The following PLCB1 variants were observed in gnomAD, a reference collection of about 807,000 sequenced individuals.
PLCB1 encodes 1-phosphatidylinositol 4,5-bisphosphate phosphodiesterase beta-1.
In PLCB1, 46 loss-of-function variants were observed where a neutral mutation model predicts 161.8. The observed-to-expected ratio is 0.28, with a 90% CI of 0.22 to 0.36. The LOEUF (loss-of-function observed/expected upper bound fraction) is 0.36. PLCB1 is among the 10% of genes least tolerant of loss of function. The pLI is 1.00. For synonymous variants in PLCB1, 517 were observed against 503.7 expected (o/e 1.03, Z -0.35); for missense variants, 1,016 against 1,472.5 (o/e 0.69, Z 5.07).
intron 9 of PLCB1, among the ~76,000 whole-genome samples, chr20:8,661,135 T>C (rs955931884): frequency 1.3e-5 from 2 of 152,090 alleles, no homozygotes; most frequent in Non-Finnish European, 2.9e-5. Context: ...CAGGTGTCGT[T>C]GTCCATTTTT....
intron 4 of PLCB1, among the ~76,000 whole-genome samples, chr20:8,643,659 G>T (rs934123322): frequency 2.6e-5 from 4 of 152,156 alleles, no homozygotes; most frequent in Admixed American, 6.5e-5. Context: ...GGAGGCTGAG[G>T]CGGGTGGATC....
At chr20:8,870,101 T>G (rs141611837) in intron 31 of PLCB1, among the ~76,000 whole-genome samples, 244 of 152,262 alleles carry the variant, frequency 1.6e-3, no homozygotes, top group African/African-American at 5.5e-3. Context: ...TCCTCATCTC[T>G]CATAAGAGAA....
chr20:8,161,508 A>G (rs1288501037), intron 2 of PLCB1, among the ~76,000 whole-genome samples: 1 of 152,204 alleles, frequency 6.6e-6, no homozygotes, highest in Non-Finnish European at 1.5e-5. Flanking sequence ...GTCTGGCTCT[A>G]TGTTCTGGCT....
At chr20:8,610,971 A>G (rs763731034) in intron 3 of PLCB1, among the ~76,000 whole-genome samples, 22 of 152,048 alleles carry the variant, frequency 1.4e-4, no homozygotes, top group Non-Finnish European at 2.9e-4. Flanking sequence ...GAAATTTGCT[A>G]ATTTAAAGAA....
At chr20:8,749,536 T>C (rs1046200351) in intron 23 of PLCB1, among the ~76,000 whole-genome samples, 1 of 152,230 alleles carries the variant, frequency 6.6e-6, no homozygotes, top group African/African-American at 2.4e-5. Flanking sequence ...TCTACTTTCC[T>C]TTAAAAAGAG....
chr20:8,429,340 A>G (rs1332602846), intron 3 of PLCB1, among the ~76,000 whole-genome samples: 1 of 152,188 alleles, frequency 6.6e-6, no homozygotes, highest in Non-Finnish European at 1.5e-5. Context: ...TTCCTGGTAG[A>G]CCTTTTGAAC....
intron 2 of PLCB1, among the ~76,000 whole-genome samples, chr20:8,365,923 A>G (rs1279254440): frequency 6.6e-6 from 1 of 152,116 alleles, no homozygotes; most frequent in Non-Finnish European, 1.5e-5. Flanking sequence ...AGAAATTGGG[A>G]TTCTGGAAAG....
At chr20:8,157,875 A>G (rs1417643430) in intron 2 of PLCB1, among the ~76,000 whole-genome samples, 2 of 152,216 alleles carry the variant, frequency 1.3e-5, no homozygotes, top group Non-Finnish European at 2.9e-5. Context: ...ACACTTCATT[A>G]TGGGCATAAC....
At chr20:8,574,513 A>G (rs1404439747) in intron 3 of PLCB1, among the ~76,000 whole-genome samples, 1 of 152,258 alleles carries the variant, frequency 6.6e-6, no homozygotes, top group Admixed American at 6.5e-5. Flanking sequence ...CAGTTTCATC[A>G]CATGTAGGTC....
chr20:8,504,231 T>A (rs1259640968), intron 3 of PLCB1, among the ~76,000 whole-genome samples: 1 of 152,114 alleles, frequency 6.6e-6, no homozygotes, highest in Non-Finnish European at 1.5e-5. Flanking sequence ...TTCTAATGTT[T>A]CCGGTTACTG....
At chr20:8,753,956 C>A (rs972447851) in intron 23 of PLCB1, among the ~76,000 whole-genome samples, 2 of 152,232 alleles carry the variant, frequency 1.3e-5, no homozygotes, top group African/African-American at 4.8e-5. Flanking sequence ...TGAATAGTAT[C>A]CTTAGGGGTT....
intron 2 of PLCB1, among the ~76,000 whole-genome samples, chr20:8,287,645 T>G (rs1244078304): frequency 6.6e-6 from 1 of 152,222 alleles, no homozygotes; most frequent in Non-Finnish European, 1.5e-5. Flanking sequence ...TAGCATTGCC[T>G]GATGGATGTA....
intron 2 of PLCB1, among the ~76,000 whole-genome samples, chr20:8,301,515 AAG>A (rs999303561): frequency 8.5e-5 from 13 of 152,274 alleles, no homozygotes; most frequent in Middle Eastern, 3.4e-3. Flanking sequence ...CCAGAATGCT[AAG>A]AGAGCCACCA....
At chr20:8,843,501 C>A (rs1267034039) in intron 31 of PLCB1, among the ~76,000 whole-genome samples, 1 of 152,112 alleles carries the variant, frequency 6.6e-6, no homozygotes, top group East Asian at 1.9e-4. Context: ...CCATTTCATG[C>A]CCTAAAAATT....
At chr20:8,874,538 C>A in intron 31 of PLCB1, among the ~76,000 whole-genome samples, 1 of 151,750 alleles carries the variant, frequency 6.6e-6, no homozygotes, top group Non-Finnish European at 1.5e-5. Flanking sequence ...TAATATAAAG[C>A]AAATAAATAA....
chr20:8,137,073 G>A (rs1037943648), intron 1 of PLCB1, among the ~76,000 whole-genome samples: 1 of 152,156 alleles, frequency 6.6e-6, no homozygotes, highest in Non-Finnish European at 1.5e-5. Context: ...TTGCGTTAAT[G>A]CCATCTGGAT....
At chr20:8,171,362 C>T (rs751302821) in intron 2 of PLCB1, among the ~76,000 whole-genome samples, 69 of 151,986 alleles carry the variant, frequency 4.5e-4, no homozygotes, top group African/African-American at 1.5e-3. Context: ...GCTTCAAATT[C>T]ATTTCTCATA....
At chr20:8,512,967 CT>C (rs1225896780) in intron 3 of PLCB1, among the ~76,000 whole-genome samples, 5 of 152,132 alleles carry the variant, frequency 3.3e-5, no homozygotes, top group Non-Finnish European at 7.4e-5. Context: ...CTCCCAACGT[CT>C]GGTAGCTACC....
At chr20:8,565,613 C>A (rs1342376690) in intron 3 of PLCB1, among the ~76,000 whole-genome samples, 1 of 151,878 alleles carries the variant, frequency 6.6e-6, no homozygotes, top group Admixed American at 6.6e-5. Flanking sequence ...TATGGTATAT[C>A]TGTTTAACCA....
Sources: allele counts gnomAD v4.1 joint callset (sites outside exome capture counted in the v4.1 genomes callset), GRCh38; gene constraint gnomAD v4.1.1; transcripts MANE v1.5; gene names NCBI Gene and HGNC (gene_info 2026-07-23, HGNC 2026-07-21).